DTHD1: variants seen among roughly 807,000 people sequenced by gnomAD.
DTHD1 encodes death domain containing 1, also known as death domain-containing protein 1.
In DTHD1, 59 loss-of-function variants were observed where a neutral mutation model predicts 74.8. The observed-to-expected ratio is 0.79, with a 90% confidence interval of 0.64 to 0.98. The LOEUF (loss-of-function observed/expected upper bound fraction) is 0.98, where lower values mean the gene tolerates loss of function less well. DTHD1 is among the 50% of genes least tolerant of loss of function. The pLI, the probability that DTHD1 is intolerant of heterozygous loss-of-function variation, is 0.00. For missense variants in DTHD1, 1,051 were observed against 1,065.4 expected, an observed-to-expected ratio of 0.99 and a Z score of 0.19; for synonymous variants, 365 against 371.1, an observed-to-expected ratio of 0.98 and a Z score of 0.19.
intron 7 of DTHD1, among the ~76,000 whole-genome samples, chr4:36,313,232 T>A (rs1757503467): frequency 6.6e-6 from 1 of 152,170 alleles, no homozygotes; most frequent in African/African-American, 2.4e-5. Context: ...ATTCTGGAAC[T>A]TTTTACATGA....
rs1560787195 is a variant in DTHD1, at chr4:36,290,614, A to G, written c.1129A>G (p.Arg377Gly). ...TACTGCACGTTACAGAGGAAATTAC[A>G]GAGATATCATGGTGAAAGTGTGTGA... ...PFTARYRGNY[R>G]DIMVKVCDIN... is the part of the protein sequence containing the mutation. The change falls in exon 3 of 10, where the codon AGA (arginine) becomes GGA (glycine). Residue 377 changes from arginine to glycine, a missense_variant. Physicochemically the swap from Arg to Gly is moderately radical, Grantham distance 125. Coordinates refer to ENST00000639862, the MANE Select transcript of DTHD1 (RefSeq NM_001170700.3). The G allele has an allele frequency of 2.6e-6, 4 of 1,550,422 alleles. No homozygotes were observed. The highest frequency in any genetic ancestry group is 2.0e-5 in the Admixed American group (1 of 50,984).
At chr4:36,306,769 T>C (rs577612201) in intron 6 of DTHD1, among the ~76,000 whole-genome samples, 2 of 152,364 alleles carry the variant, frequency 1.3e-5, no homozygotes, top group South Asian at 4.1e-4. Flanking sequence ...AGAAGAGTTT[T>C]AGACAGATTT....
At chr4:36,331,302 C>A (rs1396629778) in intron 8 of DTHD1, among the ~76,000 whole-genome samples, 1 of 151,998 alleles carries the variant, frequency 6.6e-6, no homozygotes, top group Non-Finnish European at 1.5e-5. Flanking sequence ...AATGATTTTA[C>A]ATTATAAACA....
Position 36,338,063 on chromosome 4 carries a change from C to G in DTHD1, c.2341-1049C>G, listed in dbSNP as rs73806808. Reference sequence around the variant, plus strand: ...TTTTATCAGGTGTAGATTTATGCAACTACCACATTCAAGATATAGAACTAT... The same window carrying G: ...TTTTATCAGGTGTAGATTTATGCAAGTACCACATTCAAGATATAGAACTAT... On this transcript the variant is annotated intron_variant, in intron 8 of 9. Coordinates refer to ENST00000639862, the MANE Select transcript of DTHD1 (RefSeq NM_001170700.3). Among the ~76,000 whole-genome samples, 1,116 of 152,062 alleles carry G rather than the reference C, an allele frequency of 7.3e-3. 9 individuals carry two copies. The highest frequency in any genetic ancestry group is 0.024 in the African/African-American group (995 of 41,462).
intron 8 of DTHD1, among the ~76,000 whole-genome samples, chr4:36,319,481 C>T (rs1281424065): frequency 6.6e-6 from 1 of 152,202 alleles, no homozygotes; most frequent in Non-Finnish European, 1.5e-5. Context: ...CTAAGGGCTG[C>T]TCTCCAGGCA....
intron 4 of DTHD1, 42 bp from the exon 5 acceptor site, chr4:36,294,753 C>A (rs905747243): frequency 3.4e-6 from 5 of 1,470,812 alleles, no homozygotes; most frequent in South Asian, 1.4e-5. Flanking sequence ...TAGTTTGCAT[C>A]TTTTCTATTA....
intron 5 of DTHD1, among the ~76,000 whole-genome samples, chr4:36,299,528 T>C (rs1756636794): frequency 6.6e-6 from 1 of 152,222 alleles, no homozygotes; most frequent in Non-Finnish European, 1.5e-5. Context: ...ATACAATATA[T>C]TGTGCTTCCT....
rs564849323 is a variant in DTHD1 at position 36,281,825 on chromosome 4, C to A, written c.67C>A (p.Gln23Lys). 4 of 1,242,666 alleles carry A rather than the reference C, an allele frequency of 3.2e-6. No individual in the cohort carries two copies. The East Asian group carries it at 9.4e-5, about 29-fold the overall frequency. 77.0% of individuals were successfully genotyped at this position (1,242,666 alleles called of 1,614,324 possible). A position where few individuals can be genotyped will look rare whatever the true frequency, so the allele number is the denominator to read the frequency against. The change falls in exon 1 of 10, where the codon CAG becomes AAG. Residue 23 changes from glutamine to lysine, a missense_variant. Gln to Lys is a moderately conservative substitution (Grantham distance 53). Transcript: ENST00000639862. ...ATTGAAGCAGATTTGGAGACAAAAC[C>A]AGATGCTAAAGCAGGCACTCTTGGG... ...QILKQIWRQN[Q>K]MLKQALLGDD...
At position 36,284,562 on chromosome 4, in the gene DTHD1, A is replaced by G; in HGVS notation, c.858A>G (p.Ile286Met). Residue 286 changes from isoleucine (I) to methionine (M), a missense_variant, in exon 2 of 10, where the codon ATA becomes ATG. By Grantham distance (10) the Ile-to-Met change is conservative. Transcript: ENST00000639862. The stretch of plus-strand genomic sequence containing the variant: ...CTCTTCCCAATGATTCAGAGAATAT[A>G]AAGCACAAGAATAACATAATGGAAA... ...NSTLPNDSEN[I>M]KHKNNIMEKE... 6.6e-7 allele frequency: 1 copy of G among 1,523,790 alleles called. No homozygotes were observed. The highest frequency in any genetic ancestry group is 8.8e-7 in the Non-Finnish European group (1 of 1,142,104). The allele number at this position is 1,523,790 out of a possible 1,614,324, so 94.4% of individuals were successfully genotyped here.
intron 8 of DTHD1, among the ~76,000 whole-genome samples, chr4:36,337,948 T>C (rs2109573956): frequency 6.6e-6 from 1 of 152,328 alleles, no homozygotes; most frequent in African/African-American, 2.4e-5. Flanking sequence ...TACCCAGATT[T>C]CCTTAGTGGT....
chr4:36,322,480 G>A (rs556256756), intron 8 of DTHD1, among the ~76,000 whole-genome samples: 4 of 152,254 alleles, frequency 2.6e-5, no homozygotes, highest in East Asian at 3.9e-4. Context: ...GGACTACCGA[G>A]CTGAGGAGCA....
Position 36,284,237 on chromosome 4 carries a change from A to G in DTHD1, c.533A>G (p.Glu178Gly). Residue 178 changes from glutamate to glycine, a missense_variant, in exon 2 of 10, where the codon GAA (glutamate) becomes GGA (glycine). Transcript: ENST00000639862. ...ESHYTNQVQL[E>G]KNKTHMSSAL... is the part of the protein sequence containing the mutation. ...CATTACACAAACCAGGTCCAGTTAGAAAAAAATAAAACACATATGAGTTCA... is the reference window on the plus strand; with the variant it reads ...CATTACACAAACCAGGTCCAGTTAGGAAAAAATAAAACACATATGAGTTCA... The G allele has an allele frequency of 6.5e-7, 1 of 1,537,166 alleles. No individual in the cohort carries two copies. The highest frequency in any genetic ancestry group is 8.7e-7 in the Non-Finnish European group (1 of 1,146,846).
Position 36,290,720 on chromosome 4 carries a change from C to A in DTHD1, c.1218+17C>A. ...GGTTATAAGGTTAGTAAATTCTTGG[C>A]TATATCTACATTTGCTGTTTGGCTC... On this transcript the variant is annotated intron_variant, in intron 3 of 9. Transcript: ENST00000639862. The A allele has an allele frequency of 1.3e-6, 2 of 1,515,786 alleles. No homozygotes were observed. The highest frequency in any genetic ancestry group is 8.8e-7 in the Non-Finnish European group (1 of 1,133,284). 93.9% of individuals were successfully genotyped at this position (1,515,786 alleles called of 1,614,324 possible).
rs184189409 is a variant in DTHD1, at chr4:36,316,570, C to T, written c.2340+84C>T. The T allele has an allele frequency of 2.7e-3, 3,527 of 1,329,872 alleles. 51 individuals carry two copies. Among genetic ancestry groups the T allele is most frequent in the South Asian group, 0.024 (1,577 of 65,462 alleles). 82.4% of individuals were successfully genotyped at this position (1,329,872 alleles called of 1,614,324 possible). A position where few individuals can be genotyped will look rare whatever the true frequency, so the allele number is the denominator to read the frequency against. On this transcript the variant is annotated intron_variant, in intron 8 of 9. Coordinates refer to ENST00000639862, the MANE Select transcript of DTHD1 (RefSeq NM_001170700.3). ...ACAATCAGTTTTTCAGTCATAGAGACACATACAGTTAAAAGAAAAGGTAAG... is the reference window on the plus strand; with the variant it reads ...ACAATCAGTTTTTCAGTCATAGAGATACATACAGTTAAAAGAAAAGGTAAG...
chr4:36,311,150 A>G (rs1294074044), intron 7 of DTHD1: 1 of 152,264 alleles, frequency 6.6e-6, no homozygotes, highest in Non-Finnish European at 1.5e-5. Context: ...TGCTAAACCA[A>G]GAGCGTCCAA....
In DTHD1 at chr4:36,290,780, G is replaced by GTC. The variant is rs2109454346; in HGVS notation, c.1218+78_1218+79insCT. 27 of 1,186,016 alleles carry GTC rather than the reference G, an allele frequency of 2.3e-5. No individual in the cohort carries two copies. The South Asian group carries it at 4.1e-4, about 18-fold the overall frequency. 73.5% of individuals were successfully genotyped at this position (1,186,016 alleles called of 1,614,324 possible). On this transcript the variant is annotated intron_variant, in intron 3 of 9. Transcript: ENST00000639862. ...ATATCACTCAGACTAACAGATTGTA[G>GTC]TGTAGATATAATTGCTCCACTAGTA...
intron 8 of DTHD1, among the ~76,000 whole-genome samples, chr4:36,326,321 TA>T (rs1326507191): frequency 2.7e-5 from 4 of 149,792 alleles, no homozygotes; most frequent in African/African-American, 7.3e-5. Flanking sequence ...TTTATTTATA[TA>T]AAAATCATGG....
chr4:36,322,677 A>G (rs559129566), intron 8 of DTHD1, among the ~76,000 whole-genome samples: 1 of 152,284 alleles, frequency 6.6e-6, no homozygotes, highest in East Asian at 1.9e-4. Flanking sequence ...TCCTGGTGAT[A>G]CTTCATATTC....
In DTHD1 at chr4:36,343,083, CAACA is replaced by C. The variant is rs149943081; in HGVS notation, c.2399-398_2399-395del. On this transcript the variant is annotated intron_variant, in intron 9 of 9. Transcript: ENST00000639862. ...TCCAGCCTGGAGACAGAGCGAGACT[CAACA>C]AACAAACAAACAAACAAACAGTGCT... 9.1e-3 allele frequency among the ~76,000 whole-genome samples: 1,368 copies of C among 150,584 alleles called. 20 individuals are homozygous for C. Among genetic ancestry groups the C allele is most frequent in the African/African-American group, 0.032 (1,294 of 40,326 alleles).
Sources: allele counts gnomAD v4.1 joint callset (sites outside exome capture counted in the v4.1 genomes callset), GRCh38; gene constraint gnomAD v4.1.1; transcripts MANE v1.5; gene names NCBI Gene and HGNC (gene_info 2026-07-23, HGNC 2026-07-21).